EGFLAM: variants seen among roughly 807,000 people sequenced by gnomAD.
EGFLAM encodes pikachurin.
A neutral mutation model predicts 113.1 loss-of-function variants in EGFLAM; 79 were observed. The observed-to-expected ratio is 0.70, with a 90% CI of 0.58 to 0.84. The LOEUF (loss-of-function observed/expected upper bound fraction) is 0.84. Ranked by LOEUF, EGFLAM falls within the 40% of genes least tolerant of loss-of-function variation. EGFLAM has a pLI of 0.00. For missense variants in EGFLAM, 1,265 were observed against 1,291.6 expected, an observed-to-expected ratio of 0.98 and a Z score of 0.32; for synonymous variants, 504 against 487.6, an observed-to-expected ratio of 1.03 and a Z score of -0.44.
chr5:38,423,176 C>T (rs1370032588), intron 12 of EGFLAM, among the ~76,000 whole-genome samples: 1 of 152,196 alleles, frequency 6.6e-6, no homozygotes, highest in African/African-American at 2.4e-5. Context: ...AGCTACAAAC[C>T]TTGAGATTGT....
chr5:38,331,025 G>C (rs1414031613), intron 1 of EGFLAM, among the ~76,000 whole-genome samples: 1 of 152,058 alleles, frequency 6.6e-6, no homozygotes, highest in African/African-American at 2.4e-5. Context: ...CTTGAAAATA[G>C]GAAGAAAAAT....
intron 5 of EGFLAM, among the ~76,000 whole-genome samples, chr5:38,364,738 A>C (rs1740016218): frequency 6.6e-6 from 1 of 152,196 alleles, no homozygotes; most frequent in Non-Finnish European, 1.5e-5. Flanking sequence ...AGAAGTCTAA[A>C]ATTATACTGG....
intron 19 of EGFLAM, among the ~76,000 whole-genome samples, chr5:38,454,657 G>A (rs1180330176): frequency 1.3e-5 from 2 of 152,190 alleles, no homozygotes; most frequent in Non-Finnish European, 2.9e-5. Flanking sequence ...GCACAGATCT[G>A]TGCAGTCTGG....
Position 38,313,197 on chromosome 5 carries a change from A to C in EGFLAM, c.98-24323A>C, listed in dbSNP as rs377379041. ...TAATCTTTTCTGATTTTTTTATCTC[A>C]TGATTTTGCTCTGCATAATTTTTTT... On this transcript the variant is annotated intron_variant, in intron 1 of 21. Transcript: ENST00000322350. Among the ~76,000 whole-genome samples the C allele has an allele frequency of 8.8e-4, 134 of 152,336 alleles. 1 individual carries two copies. The South Asian group carries it at 0.026, about 29-fold the overall frequency.
intron 5 of EGFLAM, among the ~76,000 whole-genome samples, chr5:38,369,053 T>A (rs372631639): frequency 6.6e-6 from 1 of 152,270 alleles, no homozygotes; most frequent in East Asian, 1.9e-4. Context: ...TATTTCCAAC[T>A]TTTATCTTGT....
intron 12 of EGFLAM, among the ~76,000 whole-genome samples, chr5:38,422,169 G>A (rs1178004881): frequency 6.6e-6 from 1 of 152,076 alleles, no homozygotes. Flanking sequence ...CCCCTCCTTA[G>A]GAGTCTTATT....
intron 15 of EGFLAM, among the ~76,000 whole-genome samples, chr5:38,432,389 C>T (rs1420638546): frequency 6.6e-6 from 1 of 150,416 alleles, no homozygotes; most frequent in Non-Finnish European, 1.5e-5. Context: ...CAAGGGCCTC[C>T]TTGGGAATGA....
At chr5:38,292,841 A>T (rs1758368528) in intron 1 of EGFLAM, among the ~76,000 whole-genome samples, 2 of 152,192 alleles carry the variant, frequency 1.3e-5, no homozygotes, top group Admixed American at 1.3e-4. Context: ...AACAACTATA[A>T]TTATTACACT....
intron 1 of EGFLAM, among the ~76,000 whole-genome samples, chr5:38,306,797 T>C (rs1420105832): frequency 6.6e-6 from 1 of 152,218 alleles, no homozygotes; most frequent in Non-Finnish European, 1.5e-5. Flanking sequence ...ATGTGATATT[T>C]AGTCAATTTC....
chr5:38,409,947 G>A (rs748014647), intron 10 of EGFLAM, among the ~76,000 whole-genome samples: 4 of 152,046 alleles, frequency 2.6e-5, no homozygotes, highest in Non-Finnish European at 4.4e-5. Context: ...AACAACCAAC[G>A]GGCACCAGCC....
chr5:38,454,123 CT>C (rs1327881417), intron 19 of EGFLAM, among the ~76,000 whole-genome samples: 3 of 152,200 alleles, frequency 2.0e-5, no homozygotes, highest in African/African-American at 7.2e-5. Flanking sequence ...CCACTCTGTT[CT>C]TCCTCCATCT....
intron 5 of EGFLAM, among the ~76,000 whole-genome samples, chr5:38,354,228 T>G (rs2111992689): frequency 6.6e-6 from 1 of 152,178 alleles, no homozygotes; most frequent in South Asian, 2.1e-4. Context: ...TTGAACAGAT[T>G]TTGTAGGCAA....
At chr5:38,423,452 TA>T (rs1741901355) in intron 12 of EGFLAM, among the ~76,000 whole-genome samples, 1 of 152,106 alleles carries the variant, frequency 6.6e-6, no homozygotes, top group Admixed American at 6.5e-5. Flanking sequence ...CCCCACCTCT[TA>T]AAAAATGGTT....
chr5:38,352,363 TG>T, intron 5 of EGFLAM, 32 bp downstream of exon 5: 1 of 1,611,638 alleles, frequency 6.2e-7, no homozygotes, highest in Non-Finnish European at 8.5e-7. Context: ...AAAAGCCAAA[TG>T]TGTGCTGGGC....
intron 6 of EGFLAM, among the ~76,000 whole-genome samples, chr5:38,376,003 A>G (rs187460937): frequency 1.3e-3 from 204 of 152,334 alleles, no homozygotes; most frequent in African/African-American, 4.9e-3. Flanking sequence ...TCCAAGAGGA[A>G]ATTCAAAGAA....
intron 6 of EGFLAM, among the ~76,000 whole-genome samples, chr5:38,383,068 G>T (rs1374002987): frequency 6.6e-6 from 1 of 152,170 alleles, no homozygotes; most frequent in Non-Finnish European, 1.5e-5. Flanking sequence ...ACTCAGTCTG[G>T]AGTCACCTGA....
Position 38,412,480 on chromosome 5 carries a change from TCTTTTC to T in EGFLAM, c.1350-15_1350-10del. ...AATGGCCTGGTTCGTCAAGAAATCT[TCTTTTC>T]CTTTTCCTCCCCAACAGGTTTAATT... On this transcript the variant is annotated intron_variant, in intron 10 of 21. Coordinates refer to ENST00000322350, the MANE Select transcript of EGFLAM (RefSeq NM_152403.4). 6.2e-7 allele frequency: 1 copy of T among 1,613,192 alleles called. No homozygotes were observed. The highest frequency in any genetic ancestry group is 8.5e-7 in the Non-Finnish European group (1 of 1,179,980).
chr5:38,267,662 C>T (rs1579703951), intron 1 of EGFLAM, among the ~76,000 whole-genome samples: 1 of 152,158 alleles, frequency 6.6e-6, no homozygotes. Context: ...GGCTAGAAGG[C>T]ACCGCTCTGG....
chr5:38,316,222 C>G (rs1738591193), intron 1 of EGFLAM, among the ~76,000 whole-genome samples: 1 of 152,124 alleles, frequency 6.6e-6, no homozygotes, highest in South Asian at 2.1e-4. Context: ...ACCCCTATTT[C>G]AGGGCTCAGA....
Sources: allele counts gnomAD v4.1 joint callset (sites outside exome capture counted in the v4.1 genomes callset), GRCh38; gene constraint gnomAD v4.1.1; transcripts MANE v1.5; gene names NCBI Gene and HGNC (gene_info 2026-07-23, HGNC 2026-07-21).